MYH7: variants seen among roughly 807,000 people sequenced by gnomAD.
The protein encoded by MYH7 is myosin heavy chain 7, also known as myosin-7.
MYH7 carries 129 observed loss-of-function variants against 225.4 expected under a neutral mutation model. The ratio of observed to expected loss-of-function variants is 0.57; its 90% CI spans 0.50 to 0.66. The LOEUF (loss-of-function observed/expected upper bound fraction) is 0.66, where lower values mean the gene tolerates loss of function less well. Ranked by LOEUF, MYH7 falls within the 30% of genes least tolerant of loss-of-function variation. The pLI is 0.00. For missense variants in MYH7, 1,649 were observed against 2,517.0 expected (o/e 0.66, Z 7.38); for synonymous variants, 971 against 1,007.6 (o/e 0.96, Z 0.69).
chr14:23,419,822 A>T (rs765781425), intron 27 of MYH7, 23 bp downstream of exon 27: 1 of 1,613,864 alleles, frequency 6.2e-7, no homozygotes, highest in Non-Finnish European at 8.5e-7. Flanking sequence ...AAGTTGGAGG[A>T]GGGGAGGCCG....
intron 9 of MYH7, 21 bp from the exon 10 acceptor site, chr14:23,431,020 G>A (rs944894213): frequency 6.4e-7 from 1 of 1,559,874 alleles, no homozygotes; most frequent in African/African-American, 1.4e-5. Flanking sequence ...GTGGGGAGAA[G>A]AAGGAGAGAA....
intron 1 of MYH7, among the ~76,000 whole-genome samples, chr14:23,435,141 C>A (rs1424659262): frequency 2.6e-5 from 4 of 152,066 alleles, no homozygotes; most frequent in Non-Finnish European, 5.9e-5. Context: ...TAGACAAGAA[C>A]CTCTGCATGC....
intron 33 of MYH7, among the ~76,000 whole-genome samples, chr14:23,416,660 A>G (rs886778828): frequency 1.3e-5 from 2 of 152,314 alleles, no homozygotes; most frequent in East Asian, 1.9e-4. Context: ...GCTAAGATGC[A>G]ATGGGTAAAA....
At chr14:23,432,372 G>A (rs114763452) in intron 6 of MYH7, 107 bp downstream of exon 6, 1 of 1,389,130 alleles carries the variant, frequency 7.2e-7, no homozygotes, top group Non-Finnish European at 1.0e-6. Context: ...GCACGAGGTT[G>A]GGGGGAAAGA....
At chr14:23,416,518 G>A (rs1008447480) in intron 33 of MYH7, among the ~76,000 whole-genome samples, 2 of 152,216 alleles carry the variant, frequency 1.3e-5, no homozygotes, top group African/African-American at 4.8e-5. Flanking sequence ...GGGAGAGCCA[G>A]CTATGAAGAC....
Position 23,415,839 on chromosome 14 carries a change from A to T in MYH7, c.4954-7T>A, listed in dbSNP as rs1595072983. 2 of 1,614,144 alleles carry T rather than the reference A, an allele frequency of 1.2e-6. No homozygotes were observed. The highest frequency in any genetic ancestry group is 1.7e-6 in the Non-Finnish European group (2 of 1,180,018). On this transcript the variant is annotated splice_polypyrimidine_tract_variant and splice_region_variant and intron_variant, in intron 34 of 39. Transcript: ENST00000355349. This position sits in a 1 kb window ranked among gnomAD's most constrained non-coding sequence, Gnocchi z 6.3. ...CCAGCTGAATCTGGGTGTCCTGAGG[A>T]TCAGGAGAGTGGGCATGAGCAGGGA... is the stretch of plus-strand genomic sequence containing the variant.
In MYH7 at chr14:23,425,651, G is replaced by A. The variant is rs1246549575; in HGVS notation, c.2286+44C>T. On this transcript the variant is annotated intron_variant, in intron 20 of 39. Transcript: ENST00000355349. This position sits in a 1 kb window ranked among gnomAD's most constrained non-coding sequence, Gnocchi z 4.6. ...AGGAAAAGCATCAGAGGAGTCAATGGAAAAGAGATGTCTTCCTTTAATTAA... is the reference window on the plus strand; with the variant it reads ...AGGAAAAGCATCAGAGGAGTCAATGAAAAAGAGATGTCTTCCTTTAATTAA... 1.9e-6 allele frequency: 3 copies of A among 1,613,490 alleles called. No individual in the cohort carries two copies. Among genetic ancestry groups the A allele is most frequent in the African/African-American group, 2.7e-5 (2 of 74,904 alleles).
chr14:23,420,814 G>C, intron 26 of MYH7, 144 bp downstream of exon 26: 1 of 703,790 alleles, frequency 1.4e-6, no homozygotes, highest in Non-Finnish European at 2.6e-6. Context: ...GTATCCATGG[G>C]CACACTGTGA....
At chr14:23,424,480 A>C (rs931700769) in intron 22 of MYH7, among the ~76,000 whole-genome samples, 1 of 152,220 alleles carries the variant, frequency 6.6e-6, no homozygotes, top group African/African-American at 2.4e-5. Context: ...CCCTGTCTAG[A>C]GGAAATTGAG....
intron 22 of MYH7, among the ~76,000 whole-genome samples, chr14:23,424,486 T>C (rs921936922): frequency 2.0e-5 from 3 of 152,332 alleles, no homozygotes; most frequent in South Asian, 2.1e-4. Context: ...CTAGAGGAAA[T>C]TGAGGCTCAA....
chr14:23,422,057 T>C, intron 25 of MYH7, 123 bp downstream of exon 25: 1 of 1,429,042 alleles, frequency 7.0e-7, no homozygotes, highest in Non-Finnish European at 9.7e-7. Flanking sequence ...CCTTTTCCCA[T>C]GGTTTGCGCC....
chr14:23,414,116 G>T lies in MYH7; in HGVS notation c.5560-14C>A, dbSNP rs375621171. 5.3e-5 allele frequency: 85 copies of T among 1,608,650 alleles called. No individual in the cohort carries two copies. The highest frequency in any genetic ancestry group is 6.7e-5 in the Admixed American group (4 of 59,998). On this transcript the variant is annotated splice_polypyrimidine_tract_variant and intron_variant, in intron 37 of 39. Transcript: ENST00000355349. ...GTCCTCCTCCGTCTGGGGGCCAGAG[G>T]GTAGGCAGGGGGTGAAGATGGCACA...
Position 23,433,290 on chromosome 14 carries a change from T to C in MYH7, c.202-63A>G. On this transcript the variant is annotated intron_variant, in intron 3 of 39. Coordinates refer to ENST00000355349, the MANE Select transcript of MYH7 (RefSeq NM_000257.4). This position sits in a 1 kb window ranked among gnomAD's most constrained non-coding sequence, Gnocchi z 4.1. Reference sequence around the variant, plus strand: ...GGCTTTCCCTCCTTCCTCAAGAGGGTTAGGAGTTGGTGAGTGACAGGGCAA... The same window carrying C: ...GGCTTTCCCTCCTTCCTCAAGAGGGCTAGGAGTTGGTGAGTGACAGGGCAA... The C allele has an allele frequency of 6.2e-7, 1 of 1,608,646 alleles. No individual in the cohort carries two copies. Among genetic ancestry groups the C allele is most frequent in the African/African-American group, 1.3e-5 (1 of 74,796 alleles).
chr14:23,427,615 G>C lies in MYH7; in HGVS notation c.1858C>G (p.Leu620Val). 2 of 1,614,198 alleles carry C rather than the reference G, an allele frequency of 1.2e-6. No individual in the cohort carries two copies. The highest frequency in any genetic ancestry group is 1.7e-6 in the Non-Finnish European group (2 of 1,180,026). Residue 620 changes from leucine to valine, a missense_variant, in exon 16 of 40, where the codon CTG (leucine) becomes GTG (valine). Leu to Val is a conservative substitution (Grantham distance 32, BLOSUM62 1). This residue lies in a region of MYH7 where 112 missense variants were observed against 161.9 expected (regional missense o/e 0.69). Transcript: ENST00000355349. ...TCAGCCCCAGCATAGTTGGCAAACA[G>C]GGTGCTGAGCAGCTTGAGGGAAGAC... ...QKSSLKLLST[L>V]FANYAGADAP...
At position 23,417,647 on chromosome 14, in the gene MYH7, G is replaced by T. The variant is rs537497927; in HGVS notation, c.4209C>A (p.Ala1403=). 1 of 1,613,038 alleles carries T rather than the reference G, an allele frequency of 6.2e-7. No homozygotes were observed. The highest frequency in any genetic ancestry group is 8.5e-7 in the Non-Finnish European group (1 of 1,180,036). The change falls in exon 31 of 40, where the codon GCC becomes GCA. Residue 1403 remains alanine, a synonymous_variant. Coordinates refer to ENST00000355349, the MANE Select transcript of MYH7 (RefSeq NM_000257.4). ...LAQRLQEAEE[A]VEAVNAKCSS... Reference sequence around the variant, plus strand: ...AGCACTTGGCATTAACAGCCTCCACGGCCTCCTCAGCTTCCTGCAGCCGCT... The same window carrying T: ...AGCACTTGGCATTAACAGCCTCCACTGCCTCCTCAGCTTCCTGCAGCCGCT...
Position 23,422,342 on chromosome 14 carries a change from G to A in MYH7, c.3100-17C>T, listed in dbSNP as rs1314638775. ...TCCTTCCAGCTGGTAGAGAGAAGGA[G>A]CCAGGCCCAGTGAGGCAAAGCATCC... On this transcript the variant is annotated splice_polypyrimidine_tract_variant and intron_variant, in intron 24 of 39. Transcript: ENST00000355349. The A allele has an allele frequency of 6.2e-7, 1 of 1,614,070 alleles. No individual in the cohort carries two copies. Among genetic ancestry groups the A allele is most frequent in the Admixed American group, 1.7e-5 (1 of 60,010 alleles).
At chr14:23,427,464 T>G (rs926460123) in intron 16 of MYH7, 121 bp downstream of exon 16, 1 of 1,484,788 alleles carries the variant, frequency 6.7e-7, no homozygotes, top group African/African-American at 1.4e-5. Context: ...TCCATCCCAC[T>G]GAGTCTGTAA....
Position 23,433,360 on chromosome 14 carries a change from A to G in MYH7, c.202-133T>C. 1 of 1,475,132 alleles carries G rather than the reference A, an allele frequency of 6.8e-7. No individual in the cohort carries two copies. Among genetic ancestry groups the G allele is most frequent in the Non-Finnish European group, 9.3e-7 (1 of 1,069,564 alleles). 91.4% of individuals were successfully genotyped at this position (1,475,132 alleles called of 1,614,324 possible). On this transcript the variant is annotated intron_variant, in intron 3 of 39. Transcript: ENST00000355349. This position sits in a 1 kb window ranked among gnomAD's most constrained non-coding sequence, Gnocchi z 4.1. ...AACCAGGATCTCACAGGGAAGACAGAAGGGATATTGGGAAGGAGAGGGCTC... is the reference window on the plus strand; with the variant it reads ...AACCAGGATCTCACAGGGAAGACAGGAGGGATATTGGGAAGGAGAGGGCTC...
chr14:23,417,044 T>C (rs766634601), intron 32 of MYH7, 52 bp from the exon 33 acceptor site: 2 of 1,613,790 alleles, frequency 1.2e-6, no homozygotes, highest in Non-Finnish European at 1.7e-6. Context: ...TCCAGTGGAG[T>C]TGGAGGGACA....
Sources: gnomAD v4.1 joint callset for allele counts (sites outside exome capture counted in the v4.1 genomes callset) on GRCh38, gnomAD v4.1.1 for gene constraint, gnomAD v4.1.1 regional missense constraint, Gnocchi (gnomAD v3.1) non-coding constraint, MANE v1.5 for transcripts, NCBI Gene and HGNC (gene_info 2026-07-23, HGNC 2026-07-21) for gene names.